Variants in CNGA1 observed in about 807,000 individuals in gnomAD.
The protein encoded by CNGA1 is cyclic nucleotide gated channel subunit alpha 1.
Under a neutral mutation model 69.7 loss-of-function variants are expected in CNGA1, and 53 were observed. That is an observed-to-expected ratio of 0.76 (90% CI 0.61 to 0.96). The LOEUF (loss-of-function observed/expected upper bound fraction) is 0.96. Ranked by LOEUF, CNGA1 falls within the 40% of genes least tolerant of loss-of-function variation. The probability of loss-of-function intolerance (pLI) is 0.00; values close to 1 mark genes in which losing one functional copy is unlikely to be tolerated. For synonymous variants in CNGA1, 249 were observed against 283.5 expected (o/e 0.88, Z 1.22); for missense variants, 739 against 811.2 (o/e 0.91, Z 1.08).
At chr4:47,975,058 A>T (rs1741278535) in intron 3 of CNGA1, among the ~76,000 whole-genome samples, 1 of 152,224 alleles carries the variant, frequency 6.6e-6, no homozygotes, top group Non-Finnish European at 1.5e-5. Context: ...TTCTTATATG[A>T]TCTCTAAGTT....
chr4:47,974,231 G>C (rs1036507573), intron 3 of CNGA1, among the ~76,000 whole-genome samples: 1 of 152,160 alleles, frequency 6.6e-6, no homozygotes, highest in Non-Finnish European at 1.5e-5. Context: ...CTGTGTGTGT[G>C]TACATAGAAC....
chr4:47,961,454 C>T (rs1179503312), intron 3 of CNGA1, among the ~76,000 whole-genome samples: 1 of 152,208 alleles, frequency 6.6e-6, no homozygotes, highest in Admixed American at 6.5e-5. Context: ...ACTAAATATG[C>T]TGTCCAGGCC....
At chr4:47,982,742 A>G (rs920408265) in intron 2 of CNGA1, among the ~76,000 whole-genome samples, 14 of 152,170 alleles carry the variant, frequency 9.2e-5, no homozygotes, top group Non-Finnish European at 2.9e-5. Context: ...TCATTATACC[A>G]TAATTCATTG....
chr4:47,962,117 G>T (rs562557589), intron 3 of CNGA1, among the ~76,000 whole-genome samples: 1 of 152,052 alleles, frequency 6.6e-6, no homozygotes, highest in East Asian at 1.9e-4. Context: ...AGGCCAAGGC[G>T]GGTGGATCAC....
rs1431487728 is a variant in CNGA1, at chr4:47,938,979, AAGAAAGAAAGAAAG to A, written c.653-1164_653-1151del. Among the ~76,000 whole-genome samples, 14 of 139,064 alleles carry A rather than the reference AAGAAAGAAAGAAAG, an allele frequency of 1.0e-4. No individual in the cohort carries two copies. The East Asian group carries it at 2.3e-3, about 23-fold the overall frequency. The allele number at this position is 139,064 out of a possible 152,430, so 91.2% of individuals were successfully genotyped here. A position where few individuals can be genotyped will look rare whatever the true frequency, so the allele number is the denominator to read the frequency against. On this transcript the variant is annotated intron_variant, in intron 10 of 10. Coordinates refer to ENST00000514170, the MANE Select transcript of CNGA1 (RefSeq NM_001379270.1). ...GGGAGGGAAAGAAAGAAAGAAAGAA[AAGAAAGAAAGAAAG>A]AGAAAGAAAGAAAGAAAGAGAAAGA...
intron 2 of CNGA1, among the ~76,000 whole-genome samples, chr4:47,999,859 G>C (rs1268258565): frequency 6.6e-6 from 1 of 152,110 alleles, no homozygotes; most frequent in East Asian, 1.9e-4. Context: ...GTGACAGAGA[G>C]AGATTTCATT....
At chr4:48,006,064 CA>C (rs1160797560) in intron 2 of CNGA1, among the ~76,000 whole-genome samples, 1 of 152,100 alleles carries the variant, frequency 6.6e-6, no homozygotes, top group Admixed American at 6.6e-5. Flanking sequence ...CCATTTTAGG[CA>C]AAAAGTTAAA....
chr4:47,951,225 A>T (rs1291788621), intron 5 of CNGA1, 128 bp downstream of exon 5: 4 of 686,218 alleles, frequency 5.8e-6, no homozygotes, highest in Non-Finnish European at 1.1e-5. Flanking sequence ...AACGCTAAGC[A>T]TGTGGGAGTT....
Position 48,000,195 on chromosome 4 carries a change from T to C in CNGA1, c.-123+10599A>G, listed in dbSNP as rs1008956486. On this transcript the variant is annotated intron_variant, in intron 2 of 10. Coordinates refer to ENST00000514170, the MANE Select transcript of CNGA1 (RefSeq NM_001379270.1). Reference sequence around the variant, plus strand: ...ATATTAATTGGATCAACATGTGTAATTGGTACCCTAGAAGCAAGGAGGTAA... The same window carrying C: ...ATATTAATTGGATCAACATGTGTAACTGGTACCCTAGAAGCAAGGAGGTAA... Among the ~76,000 whole-genome samples, 6 of 152,240 alleles carry C rather than the reference T, an allele frequency of 3.9e-5. No individual in the cohort carries two copies. In the South Asian group the frequency reaches 6.2e-4, roughly 16 times the overall value.
intron 3 of CNGA1, among the ~76,000 whole-genome samples, chr4:47,956,927 A>AT (rs145840465): frequency 0.062 from 9,390 of 151,950 alleles, 426 homozygotes; most frequent in Non-Finnish European, 0.09. Context: ...GCAAATTTTT[A>AT]TTTTTTTATT....
chr4:48,014,110 T>C (rs1289767076), intron 1 of CNGA1, among the ~76,000 whole-genome samples: 2 of 152,226 alleles, frequency 1.3e-5, no homozygotes, highest in Non-Finnish European at 2.9e-5. Context: ...TATTATCGCA[T>C]TCTAATTTTT....
rs1715054312 is a variant in CNGA1 at position 48,009,455 on chromosome 4, A to G, written c.-123+1339T>C. On this transcript the variant is annotated intron_variant, in intron 2 of 10. Coordinates refer to ENST00000514170, the MANE Select transcript of CNGA1 (RefSeq NM_001379270.1). ...ACTCCAGCCTGGGCAACAGAGCCAG[A>G]GTCTGTCTCAAAAAAAAAAAAAAAA... is the stretch of plus-strand genomic sequence containing the variant. Among the ~76,000 whole-genome samples, 5 of 128,898 alleles carry G rather than the reference A, an allele frequency of 3.9e-5. No individual in the cohort carries two copies. In the Admixed American group the frequency reaches 4.5e-4, roughly 12 times the overall value. The allele number at this position is 128,898 out of a possible 152,430, so 84.6% of individuals were successfully genotyped here. A position where few individuals can be genotyped will look rare whatever the true frequency, so the allele number is the denominator to read the frequency against.
intron 6 of CNGA1, among the ~76,000 whole-genome samples, chr4:47,947,655 G>A (rs1223969227): frequency 6.6e-6 from 1 of 152,004 alleles, no homozygotes; most frequent in African/African-American, 2.4e-5. Context: ...AGGCAACTGA[G>A]TGAGTACCTG....
chr4:47,945,166 C>A lies in CNGA1; in HGVS notation c.288-1754G>T, dbSNP rs1739319125. Reference sequence around the variant, plus strand: ...TCACTTGAGCCCAGGAGTTCAAGACCAGCCCGGGCAACATAGCAAGACCCC... The same window carrying A: ...TCACTTGAGCCCAGGAGTTCAAGACAAGCCCGGGCAACATAGCAAGACCCC... On this transcript the variant is annotated intron_variant, in intron 6 of 10. Transcript: ENST00000514170. 2.6e-5 allele frequency among the ~76,000 whole-genome samples: 4 copies of A among 152,110 alleles called. No individual in the cohort carries two copies. In the South Asian group the frequency reaches 8.3e-4, roughly 32 times the overall value.
At chr4:47,969,770 A>G (rs891659479) in intron 3 of CNGA1, among the ~76,000 whole-genome samples, 5 of 152,074 alleles carry the variant, frequency 3.3e-5, no homozygotes, top group Non-Finnish European at 7.4e-5. Context: ...ACGCCCCGCC[A>G]AAACTAAGAT....
intron 2 of CNGA1, among the ~76,000 whole-genome samples, chr4:48,003,988 G>A (rs372595815): frequency 3.7e-4 from 56 of 152,286 alleles, no homozygotes; most frequent in African/African-American, 1.2e-3. Context: ...TTATCCAGAG[G>A]CCTAACCATC....
At chr4:47,958,563 A>G (rs1010238566) in intron 3 of CNGA1, among the ~76,000 whole-genome samples, 4 of 152,054 alleles carry the variant, frequency 2.6e-5, no homozygotes, top group Admixed American at 2.6e-4. Flanking sequence ...TGGAGGTTAC[A>G]GTGAGCCGAG....
At position 47,940,836 on chromosome 4, in the gene CNGA1, T is replaced by C. The variant is rs1375487869; in HGVS notation, c.579A>G (p.Leu193=). 1.2e-6 allele frequency: 2 copies of C among 1,612,022 alleles called. No homozygotes were observed. The highest frequency in any genetic ancestry group is 2.2e-5 in the South Asian group (2 of 90,840). The change falls in exon 10 of 11, where the codon CTA becomes CTG. Residue 193 remains leucine (L), a synonymous_variant. Coordinates refer to ENST00000514170, the MANE Select transcript of CNGA1 (RefSeq NM_001379270.1). ...ACFDELQSDY[L]EYWLILDYVS... is the part of the protein sequence containing the mutation. ...CGTAATCCAAAATGAGCCAATATTC[T>C]AGGTAATCAGATTGAAGTTCATCAA...
chr4:47,973,156 C>T (rs1455072204), intron 3 of CNGA1, among the ~76,000 whole-genome samples: 2 of 150,918 alleles, frequency 1.3e-5, no homozygotes, highest in Non-Finnish European at 2.9e-5. Context: ...CAACCTCCAC[C>T]TCCCCGGTTC....
Sources: allele counts gnomAD v4.1 joint callset (sites outside exome capture counted in the v4.1 genomes callset), GRCh38; gene constraint gnomAD v4.1.1; transcripts MANE v1.5; gene names NCBI Gene and HGNC (gene_info 2026-07-23, HGNC 2026-07-21).